Variants in TXNRD3 observed in about 807,000 individuals in gnomAD.
The protein encoded by TXNRD3 is TXNRD3 neighbor gene protein.
In TXNRD3, 68 loss-of-function variants were observed where a neutral mutation model predicts 78.2. The observed-to-expected ratio is 0.87, with a 90% CI of 0.72 to 1.06. The LOEUF (loss-of-function observed/expected upper bound fraction) is 1.06, where lower values mean the gene tolerates loss of function less well. Ranked by LOEUF, TXNRD3 falls within the 50% of genes least tolerant of loss-of-function variation. TXNRD3 has a pLI of 0.00. For missense variants in TXNRD3, 751 were observed against 809.5 expected (o/e 0.93, Z 0.88); for synonymous variants, 296 against 300.1 (o/e 0.99, Z 0.14).
At chr3:126,621,229 T>G (rs918306556) in intron 12 of TXNRD3, among the ~76,000 whole-genome samples, 1 of 152,242 alleles carries the variant, frequency 6.6e-6, no homozygotes, top group African/African-American at 2.4e-5. Context: ...GCTTTGTCGA[T>G]GATGAAATTA....
intron 12 of TXNRD3, 65 bp from the exon 13 acceptor site, chr3:126,615,527 T>C: frequency 1.3e-6 from 1 of 756,108 alleles, no homozygotes; most frequent in Non-Finnish European, 2.0e-6. Flanking sequence ...CTATATTGCA[T>C]ATATTTATAT....
intron 1 of TXNRD3, among the ~76,000 whole-genome samples, chr3:126,647,761 G>A (rs1042707190): frequency 6.6e-6 from 1 of 152,160 alleles, no homozygotes; most frequent in Non-Finnish European, 1.5e-5. Context: ...CTGAAGCCCA[G>A]AAGTTTGAAG....
At chr3:126,621,621 T>C (rs1938458275) in intron 12 of TXNRD3, 121 bp downstream of exon 12, 2 of 964,014 alleles carry the variant, frequency 2.1e-6, no homozygotes, top group Non-Finnish European at 2.9e-6. Flanking sequence ...GTAAGTCTAC[T>C]GCAAATTATA....
At position 126,644,298 on chromosome 3, in the gene TXNRD3, T is replaced by G. The variant is rs1425312378; in HGVS notation, c.518A>C (p.Lys173Thr). The change falls in exon 4 of 16, where the codon AAG becomes ACG. Residue 173 changes from lysine to threonine, a missense_variant and splice_region_variant. Transcript: ENST00000524230. ...CGAGTTTCATTTCTATATTCATACCTTCGCACATGAAAGGCCTCCAGAACC... is the reference window on the plus strand; with the variant it reads ...CGAGTTTCATTTCTATATTCATACCGTCGCACATGAAAGGCCTCCAGAACC... 1 of 1,535,864 alleles carries G rather than the reference T, an allele frequency of 6.5e-7. No individual in the cohort carries two copies. Among genetic ancestry groups the G allele is most frequent in the Non-Finnish European group, 8.7e-7 (1 of 1,146,480 alleles).
chr3:126,634,102 G>A, intron 6 of TXNRD3, 51 bp from the exon 7 acceptor site: 7 of 1,389,172 alleles, frequency 5.0e-6, no homozygotes, highest in South Asian at 3.6e-5. Context: ...TACCTTTAAT[G>A]GTAAATTACA....
intron 2 of TXNRD3, among the ~76,000 whole-genome samples, chr3:126,646,509 A>G (rs1397810230): frequency 6.6e-6 from 1 of 152,248 alleles, no homozygotes; most frequent in Non-Finnish European, 1.5e-5. Context: ...CTCTTTAAAG[A>G]GCAAGAATCA....
intron 15 of TXNRD3, 73 bp from the exon 16 acceptor site, chr3:126,608,046 A>C: frequency 8.9e-7 from 1 of 1,127,394 alleles, no homozygotes; most frequent in Non-Finnish European, 1.2e-6. Context: ...TCTGAATATT[A>C]TATTTATGCT....
intron 1 of TXNRD3, among the ~76,000 whole-genome samples, chr3:126,648,772 G>A (rs557047752): frequency 2.0e-5 from 3 of 152,278 alleles, no homozygotes; most frequent in South Asian, 4.1e-4. Context: ...AAAGTGTCAC[G>A]ACACTGGCTT....
chr3:126,609,885 G>C (rs1015767814), intron 14 of TXNRD3, among the ~76,000 whole-genome samples: 3 of 152,134 alleles, frequency 2.0e-5, no homozygotes, highest in Non-Finnish European at 4.4e-5. Flanking sequence ...GGGTAACAAT[G>C]TGTACAGTCT....
At chr3:126,615,522 T>C (rs1938298211) in intron 12 of TXNRD3, 60 bp from the exon 13 acceptor site, 2 of 801,974 alleles carry the variant, frequency 2.5e-6, no homozygotes, top group Middle Eastern at 3.0e-4. Flanking sequence ...AAAATCTATA[T>C]TGCATATATT....
intron 13 of TXNRD3, 68 bp from the exon 14 acceptor site, chr3:126,611,200 T>C: frequency 2.0e-6 from 2 of 1,006,534 alleles, no homozygotes; most frequent in Non-Finnish European, 2.8e-6. Context: ...ATAGGCTCTT[T>C]AATTCTATAA....
At chr3:126,635,389 A>G (rs1938832494) in intron 6 of TXNRD3, among the ~76,000 whole-genome samples, 1 of 152,202 alleles carries the variant, frequency 6.6e-6, no homozygotes, top group African/African-American at 2.4e-5. Context: ...CTGTACAGTT[A>G]AAAAGCTCCT....
Position 126,621,824 on chromosome 3 carries a change from T to A in TXNRD3, c.1442A>T (p.Glu481Val). ...GACAGGAGTGAGCTCTGGCTTATCC[T>A]CCAAAATATCACCAACAGCATAGAC... Residue 481 changes from glutamate to valine, a missense_variant, in exon 12 of 16, where the codon GAG becomes GTG. By Grantham distance (121) the Glu-to-Val change is moderately radical. Coordinates refer to ENST00000524230, the MANE Select transcript of TXNRD3 (RefSeq NM_052883.3). 6.5e-7 allele frequency: 1 copy of A among 1,535,736 alleles called. No homozygotes were observed. Among genetic ancestry groups the A allele is most frequent in the East Asian group, 2.4e-5 (1 of 40,912 alleles).
chr3:126,644,999 G>A (rs367665080), intron 3 of TXNRD3, among the ~76,000 whole-genome samples: 18 of 152,204 alleles, frequency 1.2e-4, no homozygotes, highest in Admixed American at 3.3e-4. Context: ...TTAGAGGTTC[G>A]ATGTGTGATT....
rs191070422 is a variant in TXNRD3, at chr3:126,653,270, C to T, written c.243+1478G>A. Among the ~76,000 whole-genome samples the T allele has an allele frequency of 1.2e-3, 184 of 152,278 alleles. 3 individuals are homozygous for T. Among genetic ancestry groups the T allele is most frequent in the Admixed American group, 0.012 (176 of 15,302 alleles). ...ATGCCATTTGGCTTAAGGTTGGTTT[C>T]CAAGAACCTATCAACAATGTTGAGT... On this transcript the variant is annotated intron_variant, in intron 1 of 15. Coordinates refer to ENST00000524230, the MANE Select transcript of TXNRD3 (RefSeq NM_052883.3).
Position 126,608,541 on chromosome 3 carries a change from C to T in TXNRD3, c.1821G>A (p.Gln607=), listed in dbSNP as rs1378941486. 11 of 1,535,856 alleles carry T rather than the reference C, an allele frequency of 7.2e-6. No homozygotes were observed. Among genetic ancestry groups the T allele is most frequent in the Admixed American group, 5.9e-5 (3 of 50,932 alleles). Reference sequence around the variant, plus strand: ...GAATTCCAATGGTGTCATCAAGTAGCTGTTTTGTGAGCCCACATTTCATTG... The same window carrying T: ...GAATTCCAATGGTGTCATCAAGTAGTTGTTTTGTGAGCCCACATTTCATTG... Residue 607 remains glutamine (Q), a synonymous_variant, in exon 15 of 16, where the codon CAG becomes CAA. Transcript: ENST00000524230.
intron 14 of TXNRD3, among the ~76,000 whole-genome samples, chr3:126,610,190 A>T (rs1229382477): frequency 6.6e-6 from 1 of 152,248 alleles, no homozygotes; most frequent in African/African-American, 2.4e-5. Context: ...GTTTTCTGTT[A>T]TACTGAGAAT....
At position 126,630,946 on chromosome 3, in the gene TXNRD3, T is replaced by C. The variant is rs1392675337; in HGVS notation, c.972-9A>G. On this transcript the variant is annotated splice_polypyrimidine_tract_variant and intron_variant, in intron 8 of 15. Transcript: ENST00000524230. ...GAGAAAAAAGGTCATCACTGAAAAA[T>C]AAAAATTAAAAAAAGAATACCTAGG... 6.5e-7 allele frequency: 1 copy of C among 1,528,776 alleles called. No individual in the cohort carries two copies. Among genetic ancestry groups the C allele is most frequent in the East Asian group, 2.4e-5 (1 of 40,850 alleles). 94.7% of individuals were successfully genotyped at this position (1,528,776 alleles called of 1,614,324 possible).
chr3:126,640,836 G>A (rs1464626849), intron 6 of TXNRD3, among the ~76,000 whole-genome samples: 2 of 149,868 alleles, frequency 1.3e-5, no homozygotes, highest in Non-Finnish European at 3.0e-5. Context: ...AGGTGTGAAA[G>A]TTGTCAGAAT....
Sources: allele counts gnomAD v4.1 joint callset (sites outside exome capture counted in the v4.1 genomes callset), GRCh38; gene constraint gnomAD v4.1.1; transcripts MANE v1.5; gene names NCBI Gene and HGNC (gene_info 2026-07-23, HGNC 2026-07-21).